Variants in TMOD1 observed in about 807,000 individuals in gnomAD.
The protein encoded by TMOD1 is tropomodulin-1.
TMOD1 carries 17 observed loss-of-function variants against 40.6 expected under a neutral mutation model. The observed-to-expected ratio is 0.42, with a 90% CI of 0.29 to 0.63. The LOEUF is 0.63. TMOD1 is among the 20% of genes least tolerant of loss of function. The probability of loss-of-function intolerance (pLI) is 0.22; values close to 1 mark genes in which losing one functional copy is unlikely to be tolerated. For missense variants in TMOD1, 391 were observed against 447.6 expected (o/e 0.87, Z 1.14); for synonymous variants, 181 against 175.0 (o/e 1.03, Z -0.27).
At chr9:97,593,211 G>A (rs1826036628) in intron 9 of TMOD1, among the ~76,000 whole-genome samples, 1 of 152,164 alleles carries the variant, frequency 6.6e-6, no homozygotes, top group Non-Finnish European at 1.5e-5. Flanking sequence ...TCTTGTTTCT[G>A]GGGATAGAGG....
At chr9:97,507,185 C>T (rs960648472) in intron 1 of TMOD1, among the ~76,000 whole-genome samples, 3 of 152,114 alleles carry the variant, frequency 2.0e-5, no homozygotes, top group Non-Finnish European at 4.4e-5. Context: ...AAGTTTGGAT[C>T]TATGAGCACA....
intron 5 of TMOD1, among the ~76,000 whole-genome samples, chr9:97,563,337 G>A (rs530604364): frequency 1.3e-5 from 2 of 152,328 alleles, no homozygotes; most frequent in South Asian, 4.1e-4. Flanking sequence ...ACAGGCATGA[G>A]CCACCACACC....
chr9:97,564,166 C>T lies in TMOD1; in HGVS notation c.616C>T (p.Arg206Trp), dbSNP rs777226126. 8 of 1,592,274 alleles carry T rather than the reference C, an allele frequency of 5.0e-6. No individual in the cohort carries two copies. The highest frequency in any genetic ancestry group is 1.3e-5 in the African/African-American group (1 of 74,534). Residue 206 changes from arginine to tryptophan, a missense_variant and splice_region_variant, in exon 6 of 10, where the codon CGG becomes TGG. Transcript: ENST00000259365. ...TGAAGAAGTTAACCTCAATAATATC[C>T]GGGTAAGGTCCATTTATTTCACTTT... ...KLEEVNLNNI[R>W]NIPIPTLKAY...
intron 2 of TMOD1, among the ~76,000 whole-genome samples, chr9:97,530,218 A>T (rs1226987840): frequency 6.6e-6 from 1 of 152,232 alleles, no homozygotes; most frequent in Non-Finnish European, 1.5e-5. Flanking sequence ...ATCCACCAAC[A>T]CAAGGAATTT....
intron 3 of TMOD1, among the ~76,000 whole-genome samples, chr9:97,551,020 T>A (rs1310014424): frequency 0.029 from 210 of 7,176 alleles, 2 homozygotes; most frequent in African/African-American, 0.086. Flanking sequence ...ATATATTTTT[T>A]TTTTTTTTTT....
chr9:97,566,942 G>A (rs1213286146), intron 7 of TMOD1, among the ~76,000 whole-genome samples: 2 of 152,112 alleles, frequency 1.3e-5, no homozygotes, highest in African/African-American at 2.4e-5. Flanking sequence ...GGTCCATTTG[G>A]CCAAGCAGAC....
chr9:97,565,007 T>C (rs113726686), intron 6 of TMOD1, among the ~76,000 whole-genome samples: 6 of 152,326 alleles, frequency 3.9e-5, no homozygotes, highest in African/African-American at 1.4e-4. Flanking sequence ...GGCCTCCCCA[T>C]GCTCTGCTCC....
At chr9:97,582,057 A>G (rs1307696124) in intron 8 of TMOD1, among the ~76,000 whole-genome samples, 6 of 152,190 alleles carry the variant, frequency 3.9e-5, no homozygotes, top group Non-Finnish European at 7.3e-5. Context: ...TGTTTTAGAC[A>G]TGATGTCCTT....
chr9:97,511,574 TTTTG>T (rs1829699990), intron 1 of TMOD1, among the ~76,000 whole-genome samples: 1 of 152,060 alleles, frequency 6.6e-6, no homozygotes, highest in Non-Finnish European at 1.5e-5. Context: ...CCTGGGCAGT[TTTTG>T]TTTGTTTGCT....
Position 97,601,090 on chromosome 9 carries a change from C to T in TMOD1, c.*1392C>T. On this transcript the variant is annotated 3_prime_UTR_variant, in exon 10 of 10. Transcript: ENST00000259365. Reference sequence around the variant, plus strand: ...AGGGTAACTGGAGGCGGGGCCAGGGCCTCAGCGCTATGGAAGAGTGTCCAC... The same window carrying T: ...AGGGTAACTGGAGGCGGGGCCAGGGTCTCAGCGCTATGGAAGAGTGTCCAC... 2.3e-6 allele frequency: 3 copies of T among 1,304,282 alleles called. No homozygotes were observed. Among genetic ancestry groups the T allele is most frequent in the Non-Finnish European group, 3.0e-6 (3 of 988,942 alleles). 80.8% of individuals were successfully genotyped at this position (1,304,282 alleles called of 1,614,324 possible).
Position 97,600,345 on chromosome 9 carries a change from A to G in TMOD1, c.*647A>G. 1 of 986,194 alleles carries G rather than the reference A, an allele frequency of 1.0e-6. No individual in the cohort carries two copies. Among genetic ancestry groups the G allele is most frequent in the Non-Finnish European group, 1.2e-6 (1 of 830,218 alleles). 61.1% of individuals were successfully genotyped at this position (986,194 alleles called of 1,614,324 possible). On this transcript the variant is annotated 3_prime_UTR_variant, in exon 10 of 10. Coordinates refer to ENST00000259365, the MANE Select transcript of TMOD1 (RefSeq NM_003275.4). ...GAAAAAAACCAATGGTGAAATTTCA[A>G]GTTTCAAAAACCAACCTTTCATTAC...
chr9:97,581,186 T>C (rs947301761), intron 8 of TMOD1, among the ~76,000 whole-genome samples: 6 of 118,570 alleles, frequency 5.1e-5, no homozygotes, highest in African/African-American at 2.0e-4. Context: ...GATGTTCCCC[T>C]TCCTGTGTCC....
In TMOD1 at chr9:97,553,336, G is replaced by T. The variant is rs141990709; in HGVS notation, c.333G>T (p.Thr111=). The T allele has an allele frequency of 1.2e-6, 2 of 1,614,196 alleles. No homozygotes were observed. Among genetic ancestry groups the T allele is most frequent in the East Asian group, 2.2e-5 (1 of 44,884 alleles). ...TGGATCCTGTGCTGGAAAGTGTGAC[G>T]CTGGAACCGGAGCTGGAGGAAGCCT... is the stretch of plus-strand genomic sequence containing the variant. ...KPLDPVLESV[T]LEPELEEALA... is the part of the protein sequence containing the mutation. Residue 111 remains threonine, a synonymous_variant, in exon 4 of 10, where the codon ACG becomes ACT. Coordinates refer to ENST00000259365, the MANE Select transcript of TMOD1 (RefSeq NM_003275.4).
At chr9:97,547,020 A>G (rs910758297) in intron 3 of TMOD1, among the ~76,000 whole-genome samples, 6 of 150,690 alleles carry the variant, frequency 4.0e-5, no homozygotes, top group African/African-American at 9.8e-5. Context: ...TGCACTAACC[A>G]TCTCCACCCA....
chr9:97,570,272 T>C (rs1460971375), intron 8 of TMOD1, among the ~76,000 whole-genome samples: 4 of 152,192 alleles, frequency 2.6e-5, no homozygotes, highest in Non-Finnish European at 5.9e-5. Flanking sequence ...CCCACTCTCA[T>C]GCCTCCATGC....
intron 8 of TMOD1, among the ~76,000 whole-genome samples, chr9:97,573,758 A>G (rs1830859301): frequency 1.3e-5 from 2 of 152,154 alleles, no homozygotes; most frequent in African/African-American, 4.8e-5. Flanking sequence ...ACAATATGGC[A>G]GCTAACTTCT....
intron 5 of TMOD1, among the ~76,000 whole-genome samples, chr9:97,563,409 G>T (rs946862246): frequency 6.6e-6 from 1 of 152,186 alleles, no homozygotes; most frequent in Non-Finnish European, 1.5e-5. Flanking sequence ...TGTGGGATGA[G>T]ACCAAACTTT....
chr9:97,563,944 A>G, intron 5 of TMOD1, 94 bp from the exon 6 acceptor site: 4 of 1,520,510 alleles, frequency 2.6e-6, no homozygotes, highest in Non-Finnish European at 3.5e-6. Flanking sequence ...ACGTGCCCCA[A>G]CCCTGCACAT....
At position 97,527,049 on chromosome 9, in the gene TMOD1, A is replaced by G. The variant is rs1245850078; in HGVS notation, c.120+2741A>G. 2.0e-5 allele frequency among the ~76,000 whole-genome samples: 3 copies of G among 152,066 alleles called. 1 individual carries two copies. The highest frequency in any genetic ancestry group is 4.4e-5 in the Non-Finnish European group (3 of 68,014). ...GATGGTTTCCTGATGAGGCTGCTCA[A>G]GTTGATCAAAAGTCGGCATTGGTGG... On this transcript the variant is annotated intron_variant, in intron 2 of 9. Coordinates refer to ENST00000259365, the MANE Select transcript of TMOD1 (RefSeq NM_003275.4).
Sources: gnomAD v4.1 joint callset for allele counts (sites outside exome capture counted in the v4.1 genomes callset) on GRCh38, gnomAD v4.1.1 for gene constraint, MANE v1.5 for transcripts, NCBI Gene and HGNC (gene_info 2026-07-23, HGNC 2026-07-21) for gene names.